PIEZO2: variants seen among roughly 807,000 people sequenced by gnomAD.
The protein encoded by PIEZO2 is piezo type mechanosensitive ion channel component 2, also known as piezo-type mechanosensitive ion channel component 2.
A neutral mutation model predicts 337.3 loss-of-function variants in PIEZO2; 172 were observed. That is an observed-to-expected ratio of 0.51 (90% CI 0.45 to 0.58). PIEZO2 has a LOEUF of 0.58. PIEZO2 is among the 20% of genes least tolerant of loss of function. The pLI, the probability that PIEZO2 is intolerant of heterozygous loss-of-function variation, is 0.00. For missense variants in PIEZO2, 3,028 were observed against 3,391.3 expected (o/e 0.89, Z 2.66); for synonymous variants, 1,251 against 1,228.5 (o/e 1.02, Z -0.38).
intron 21 of PIEZO2, among the ~76,000 whole-genome samples, chr18:10,769,108 C>G (rs780285107): frequency 4.6e-5 from 7 of 152,140 alleles, no homozygotes; most frequent in Non-Finnish European, 8.8e-5. Context: ...TCTTTAATAC[C>G]CTAACCCTGA....
In PIEZO2 at chr18:10,971,531, C is replaced by T. The variant is rs552211399; in HGVS notation, c.286+8004G>A. Among the ~76,000 whole-genome samples, 110 of 152,192 alleles carry T rather than the reference C, an allele frequency of 7.2e-4. 1 individual carries two copies. Among genetic ancestry groups the T allele is most frequent in the Non-Finnish European group, 4.6e-4 (31 of 68,002 alleles). On this transcript the variant is annotated intron_variant, in intron 3 of 55. Transcript: ENST00000674853. Reference sequence around the variant, plus strand: ...GTTCAAGGAGGCTGGGAAAACATATCCCCAATGATGAATGCACACCCAGCT... The same window carrying T: ...GTTCAAGGAGGCTGGGAAAACATATTCCCAATGATGAATGCACACCCAGCT...
At chr18:11,090,928 A>T (rs1438662128) in intron 1 of PIEZO2, among the ~76,000 whole-genome samples, 2 of 151,986 alleles carry the variant, frequency 1.3e-5, no homozygotes, top group Non-Finnish European at 2.9e-5. Context: ...AAAAAAAAAA[A>T]AAAAGTAGAT....
Position 11,127,797 on chromosome 18 carries a change from GTGTGCA to G in PIEZO2, c.64+20722_64+20727del, listed in dbSNP as rs1395234351. Reference sequence around the variant, plus strand: ...TATATATGCATATACGTGTGTGTGTGTGTGCATGTGTGTGTGTGTGTGTGTGTGTAT... The same window carrying G: ...TATATATGCATATACGTGTGTGTGTGTGTGTGTGTGTGTGTGTGTGTGTAT... On this transcript the variant is annotated intron_variant, in intron 1 of 55. Transcript: ENST00000674853. The surrounding 1 kb of genome is among the most constrained non-coding windows in gnomAD (Gnocchi z 4.5). Among the ~76,000 whole-genome samples, 9 of 59,656 alleles carry G rather than the reference GTGTGCA, an allele frequency of 1.5e-4. No homozygotes were observed. The highest frequency in any genetic ancestry group is 8.5e-4 in the African/African-American group (9 of 10,544). 39.1% of individuals were successfully genotyped at this position (59,656 alleles called of 152,430 possible). A position where few individuals can be genotyped will look rare whatever the true frequency, so the allele number is the denominator to read the frequency against.
chr18:10,802,080 C>T (rs1352521251), intron 9 of PIEZO2, among the ~76,000 whole-genome samples: 3 of 107,042 alleles, frequency 2.8e-5, no homozygotes, highest in Non-Finnish European at 5.7e-5. Context: ...AGCGAGACTC[C>T]GTCTCAAAAA....
intron 16 of PIEZO2, among the ~76,000 whole-genome samples, chr18:10,786,349 G>A (rs1421942389): frequency 1.3e-5 from 2 of 152,222 alleles, no homozygotes; most frequent in African/African-American, 4.8e-5. Context: ...AACAGTGTCA[G>A]CACATGGACA....
chr18:10,685,662 G>A (rs562285683), intron 49 of PIEZO2, among the ~76,000 whole-genome samples: 14 of 152,302 alleles, frequency 9.2e-5, no homozygotes, highest in African/African-American at 2.9e-4. Flanking sequence ...TCTTGCATCC[G>A]TGCAGATGGT....
chr18:10,906,688 G>A (rs1368111314), intron 4 of PIEZO2, among the ~76,000 whole-genome samples: 1 of 152,114 alleles, frequency 6.6e-6, no homozygotes, highest in Non-Finnish European at 1.5e-5. Context: ...AGCCTCCTGA[G>A]TAGTTGGGAC....
intron 1 of PIEZO2, among the ~76,000 whole-genome samples, chr18:11,142,874 C>T (rs2040694177): frequency 6.6e-6 from 1 of 151,250 alleles, no homozygotes; most frequent in African/African-American, 2.4e-5. Context: ...GTCAGGAGAT[C>T]GAGACCATCC....
rs906999456 is a variant in PIEZO2, at chr18:11,009,227, A to G, written c.161-29567T>C. Among the ~76,000 whole-genome samples the G allele has an allele frequency of 6.6e-6, 1 of 152,152 alleles. No homozygotes were observed. The highest frequency in any genetic ancestry group is 2.4e-5 in the African/African-American group (1 of 41,424). On this transcript the variant is annotated intron_variant, in intron 2 of 55. Transcript: ENST00000674853. This position sits in a 1 kb window ranked among gnomAD's most constrained non-coding sequence, Gnocchi z 4.6. ...GTATCCCAAGGACTCTTATTAAATA[A>G]TTTTCAATGAATTGCTGAGTCTCTG...
rs2037954624 is a variant in PIEZO2, at chr18:10,757,993, G to A, written c.3899C>T (p.Pro1300Leu). The change falls in exon 27 of 56, where the codon CCT becomes CTT. Residue 1300 changes from proline (P) to leucine (L), a missense_variant. Physicochemically the swap from Pro to Leu is moderately conservative, Grantham distance 98 (BLOSUM62 -3). This residue lies in a region of PIEZO2 where 1,925 missense variants were observed against 2,051.9 expected (regional missense o/e 0.94). Coordinates refer to ENST00000674853, the MANE Select transcript of PIEZO2 (RefSeq NM_001378183.1). ...LDAASFSQHN[P>L]VPDFIHCRSY... The stretch of plus-strand genomic sequence containing the variant: ...CCTGCAGTGAATAAAATCTGGCACA[G>A]GGTTATGTTGGCTGAAGGAGGCCGC... The A allele has an allele frequency of 6.5e-7, 1 of 1,536,804 alleles. No homozygotes were observed. The highest frequency in any genetic ancestry group is 8.7e-7 in the Non-Finnish European group (1 of 1,146,684).
intron 18 of PIEZO2, among the ~76,000 whole-genome samples, chr18:10,779,055 G>A (rs2038890625): frequency 6.6e-6 from 1 of 152,182 alleles, no homozygotes; most frequent in South Asian, 2.1e-4. Flanking sequence ...CTTCCTATCA[G>A]CTGAAAAACC....
At chr18:10,995,069 C>A (rs1286130946) in intron 2 of PIEZO2, among the ~76,000 whole-genome samples, 2 of 37,798 alleles carry the variant, frequency 5.3e-5, no homozygotes, top group Admixed American at 2.3e-4. Context: ...CAGAGTGAGA[C>A]TCCGTCTCAA....
chr18:11,100,426 G>A (rs2039377648), intron 1 of PIEZO2, among the ~76,000 whole-genome samples: 1 of 152,224 alleles, frequency 6.6e-6, no homozygotes, highest in African/African-American at 2.4e-5. Context: ...TGATGATGGA[G>A]AAGATCTAAC....
chr18:11,055,771 G>C (rs2037710156), intron 2 of PIEZO2, among the ~76,000 whole-genome samples: 1 of 152,208 alleles, frequency 6.6e-6, no homozygotes, highest in African/African-American at 2.4e-5. Context: ...GGTCAAGTCA[G>C]TTGCAGGCTG....
intron 33 of PIEZO2, chr18:10,738,910 C>A (rs1450685104): frequency 6.6e-6 from 1 of 152,152 alleles, no homozygotes; most frequent in East Asian, 1.9e-4. Context: ...CCTATACAGA[C>A]CATGCTAAAA....
At position 10,888,934 on chromosome 18, in the gene PIEZO2, G is replaced by T. The variant is rs1249958679; in HGVS notation, c.330-17519C>A. Reference sequence around the variant, plus strand: ...ACCCAGTTTTTCAGAAACCTAGCATGCTGCTACAGCCAACAGTTCAAGGGG... The same window carrying T: ...ACCCAGTTTTTCAGAAACCTAGCATTCTGCTACAGCCAACAGTTCAAGGGG... On this transcript the variant is annotated intron_variant, in intron 4 of 55. Transcript: ENST00000674853. The surrounding 1 kb of genome is among the most constrained non-coding windows in gnomAD (Gnocchi z 4.1). Among the ~76,000 whole-genome samples, 2 of 151,810 alleles carry T rather than the reference G, an allele frequency of 1.3e-5. No homozygotes were observed. Among genetic ancestry groups the T allele is most frequent in the Non-Finnish European group, 2.9e-5 (2 of 68,010 alleles).
At position 10,820,686 on chromosome 18, in the gene PIEZO2, C is replaced by T. The variant is rs577695082; in HGVS notation, c.918-13412G>A. 8.5e-5 allele frequency among the ~76,000 whole-genome samples: 13 copies of T among 152,224 alleles called. No homozygotes were observed. The South Asian group carries it at 1.0e-3, about 12-fold the overall frequency. Reference sequence around the variant, plus strand: ...TTTCACATGTCTAAAAATTTTCATCCGGATGCTGAACATTGTTATTTCTAC... The same window carrying T: ...TTTCACATGTCTAAAAATTTTCATCTGGATGCTGAACATTGTTATTTCTAC... On this transcript the variant is annotated intron_variant, in intron 7 of 55. Transcript: ENST00000674853.
In PIEZO2 at chr18:11,148,657, GC is replaced by G; in HGVS notation, c.-70del. 1 of 1,481,862 alleles carries G rather than the reference GC, an allele frequency of 6.7e-7. No homozygotes were observed. The highest frequency in any genetic ancestry group is 9.1e-7 in the Non-Finnish European group (1 of 1,098,558). 91.8% of individuals were successfully genotyped at this position (1,481,862 alleles called of 1,614,324 possible). ...GTCCCTAGGGGTGGTGGGACGCAAG[GC>G]CCATGCCCGTCTATGGCCTCTCGCC... On this transcript the variant is annotated 5_prime_UTR_variant, in exon 1 of 56. It removes the in-frame stop codon of an upstream open reading frame in the 5' UTR. Coordinates refer to ENST00000674853, the MANE Select transcript of PIEZO2 (RefSeq NM_001378183.1). This position sits in a 1 kb window ranked among gnomAD's most constrained non-coding sequence, Gnocchi z 5.2.
chr18:10,865,159 G>C (rs2041973009), intron 5 of PIEZO2, among the ~76,000 whole-genome samples: 1 of 152,196 alleles, frequency 6.6e-6, no homozygotes, highest in African/African-American at 2.4e-5. Context: ...AAAAGCACAG[G>C]GTGAGGACAT....
Sources: gnomAD v4.1 joint callset for allele counts (sites outside exome capture counted in the v4.1 genomes callset) on GRCh38, gnomAD v4.1.1 for gene constraint, gnomAD v4.1.1 regional missense constraint, Gnocchi (gnomAD v3.1) non-coding constraint, MANE v1.5 for transcripts, NCBI Gene and HGNC (gene_info 2026-07-23, HGNC 2026-07-21) for gene names.